The following EPB41 variants were observed in gnomAD, a reference collection of about 807,000 sequenced individuals.
EPB41 encodes the protein erythrocyte membrane protein band 4.1.
A neutral mutation model predicts 108.0 loss-of-function variants in EPB41; 65 were observed. The observed-to-expected ratio is 0.60, with a 90% CI of 0.49 to 0.74. The LOEUF (loss-of-function observed/expected upper bound fraction) is 0.74, where lower values mean the gene tolerates loss of function less well. Among genes scored for constraint, EPB41 ranks in the 30% least tolerant of loss-of-function variants. The pLI is 0.00. For missense variants in EPB41, 875 were observed against 1,037.0 expected, an observed-to-expected ratio of 0.84 and a Z score of 2.15; for synonymous variants, 336 against 358.9, an observed-to-expected ratio of 0.94 and a Z score of 0.72.
chr1:28,998,653 A>G (rs1315582390), intron 4 of EPB41, among the ~76,000 whole-genome samples: 1 of 152,248 alleles, frequency 6.6e-6, no homozygotes. Context: ...TACTAACTCA[A>G]ACAGAACTAT....
chr1:29,001,254 C>T lies in EPB41; in HGVS notation c.786+3935C>T, dbSNP rs375929456. Among the ~76,000 whole-genome samples, 379 of 152,294 alleles carry T rather than the reference C, an allele frequency of 2.5e-3. 2 individuals carry two copies. Among genetic ancestry groups the T allele is most frequent in the African/African-American group, 8.7e-3 (360 of 41,558 alleles). On this transcript the variant is annotated intron_variant, in intron 4 of 20. Coordinates refer to ENST00000343067, the MANE Select transcript of EPB41 (RefSeq NM_001376013.1). ...CTGAGGCATGAGAATCGCTTGAACCCAGGAGGCAGAGGTCGCAGGGAGCCG... is the reference window on the plus strand; with the variant it reads ...CTGAGGCATGAGAATCGCTTGAACCTAGGAGGCAGAGGTCGCAGGGAGCCG...
At chr1:29,046,021 A>T (rs1018216637) in intron 11 of EPB41, among the ~76,000 whole-genome samples, 3 of 151,880 alleles carry the variant, frequency 2.0e-5, no homozygotes, top group Non-Finnish European at 2.9e-5. Context: ...GGTATCCTAA[A>T]TTTTTTATTT....
At chr1:29,064,726 T>C (rs1037631778) in intron 15 of EPB41, among the ~76,000 whole-genome samples, 3 of 152,172 alleles carry the variant, frequency 2.0e-5, no homozygotes, top group African/African-American at 7.2e-5. Flanking sequence ...AGGCGTGAGT[T>C]CTTTATGGGT....
chr1:29,006,234 ATTT>A (rs34223507), intron 4 of EPB41, among the ~76,000 whole-genome samples: 49 of 130,604 alleles, frequency 3.8e-4, no homozygotes, highest in African/African-American at 1.2e-3. Context: ...ATCCCAAAGA[ATTT>A]TTTTTTTTTT....
intron 16 of EPB41, among the ~76,000 whole-genome samples, chr1:29,066,903 G>A (rs1237568549): frequency 1.3e-5 from 2 of 151,282 alleles, no homozygotes; most frequent in East Asian, 3.9e-4. Flanking sequence ...TCAAACTCCT[G>A]ACCTCAGGTG....
rs766821341 is a variant in EPB41, at chr1:29,065,095, C to T, written c.2121C>T (p.Arg707=). 6.2e-7 allele frequency: 1 copy of T among 1,614,090 alleles called. No homozygotes were observed. The highest frequency in any genetic ancestry group is 8.5e-7 in the Non-Finnish European group (1 of 1,179,966). The change falls in exon 16 of 21, where the codon CGC becomes CGT. Residue 707 remains arginine (R), a synonymous_variant. Transcript: ENST00000343067. The part of the protein sequence containing the change: ...PEPRPSEWDK[R]LSTHSPFRTL... ...CACGGCCTAGTGAATGGGATAAACG[C>T]TTATCCACTCACTCACCCTTCCGAA...
chr1:29,076,885 C>A (rs558439287), intron 16 of EPB41, among the ~76,000 whole-genome samples: 1 of 151,926 alleles, frequency 6.6e-6, no homozygotes, highest in Non-Finnish European at 1.5e-5. Flanking sequence ...CCAGCCTGGG[C>A]GACACAGCAT....
In EPB41 at chr1:29,039,406, C is replaced by T. The variant is rs770492941; in HGVS notation, c.1616C>T (p.Ala539Val). The T allele has an allele frequency of 8.1e-6, 13 of 1,613,884 alleles. No individual in the cohort carries two copies. In the South Asian group the frequency reaches 9.9e-5, roughly 12 times the overall value. Residue 539 changes from alanine (A) to valine (V), a missense_variant, in exon 11 of 21, where the codon GCG (alanine) becomes GTG (valine). This residue lies in a region of EPB41 where 519 missense variants were observed against 627.3 expected (regional missense o/e 0.83). Transcript: ENST00000343067. Reference sequence around the variant, plus strand: ...TTCGAGCGTACAGCAAGTAAACGGGCGTCCCGGAGCCTCGATGGAGGTTTG... The same window carrying T: ...TTCGAGCGTACAGCAAGTAAACGGGTGTCCCGGAGCCTCGATGGAGGTTTG... ...PHFERTASKR[A>V]SRSLDGAAAV...
chr1:29,107,658 C>T (rs1241162434), intron 17 of EPB41, among the ~76,000 whole-genome samples: 2 of 151,824 alleles, frequency 1.3e-5, no homozygotes, highest in African/African-American at 4.8e-5. Flanking sequence ...CGAGACCAGC[C>T]TGGCCAATAT....
chr1:29,097,818 G>C lies in EPB41; in HGVS notation c.2196G>C (p.Val732=). 6.2e-7 allele frequency: 1 copy of C among 1,614,002 alleles called. No homozygotes were observed. Among genetic ancestry groups the C allele is most frequent in the Non-Finnish European group, 8.5e-7 (1 of 1,179,900 alleles). ...QIPTGEGPPL[V]KTQTVTISDN... is the part of the protein sequence containing the mutation. ...TTACTGCTTCACAGCCTCCCCTGGTGAAGACACAAACTGTCACCATCTCAG... is the reference window on the plus strand; with the variant it reads ...TTACTGCTTCACAGCCTCCCCTGGTCAAGACACAAACTGTCACCATCTCAG... The change falls in exon 17 of 21, where the codon GTG becomes GTC. Residue 732 remains valine, a synonymous_variant. Coordinates refer to ENST00000343067, the MANE Select transcript of EPB41 (RefSeq NM_001376013.1).
intron 17 of EPB41, among the ~76,000 whole-genome samples, chr1:29,102,642 C>A (rs1275637639): frequency 6.6e-6 from 1 of 152,150 alleles, no homozygotes; most frequent in African/African-American, 2.4e-5. Context: ...GGCTGGAGTG[C>A]AGTGGCATGA....
chr1:29,112,275 A>T, intron 18 of EPB41, 93 bp from the exon 19 acceptor site: 1 of 1,036,844 alleles, frequency 9.6e-7, no homozygotes, highest in Non-Finnish European at 1.5e-6. Flanking sequence ...TGTTGAGATT[A>T]CAAGTGTGAA....
intron 16 of EPB41, among the ~76,000 whole-genome samples, chr1:29,066,800 A>G (rs556083611): frequency 6.6e-6 from 1 of 151,702 alleles, no homozygotes; most frequent in African/African-American, 2.4e-5. Flanking sequence ...CAGCCTCCCT[A>G]GTAGCTGAGA....
At chr1:28,923,940 G>C (rs915787358) in intron 1 of EPB41, among the ~76,000 whole-genome samples, 1 of 152,056 alleles carries the variant, frequency 6.6e-6, no homozygotes, top group Non-Finnish European at 1.5e-5. Flanking sequence ...CCCTTGAGTG[G>C]GGGCTATTGA....
chr1:28,966,181 C>T (rs1557844269), intron 1 of EPB41, among the ~76,000 whole-genome samples: 2 of 148,696 alleles, frequency 1.3e-5, no homozygotes, highest in South Asian at 2.1e-4. Flanking sequence ...AGTGAAACTC[C>T]GTCTCAAAAA....
intron 1 of EPB41, among the ~76,000 whole-genome samples, chr1:28,970,365 G>C (rs1430527782): frequency 6.6e-6 from 1 of 152,106 alleles, no homozygotes; most frequent in Non-Finnish European, 1.5e-5. Context: ...TATGGTATTT[G>C]AGTTTCAAAA....
rs1160118901 is a variant in EPB41, at chr1:28,997,245, C to T, written c.712C>T (p.Arg238Ter). The T allele has an allele frequency of 3.7e-6, 6 of 1,613,996 alleles. No homozygotes were observed. Among genetic ancestry groups the T allele is most frequent in the Non-Finnish European group, 4.2e-6 (5 of 1,179,890 alleles). Residue 238 changes from arginine to a stop codon, truncating the protein, a stop_gained, in exon 4 of 21, where the codon CGA becomes TGA. Transcript: ENST00000343067. LOFTEE classifies it high-confidence loss of function. ...TGCTAAGGGACAAGATTTGCTTAAA[C>T]GAGTATGTGAGCATCTCAATCTTTT... is the stretch of plus-strand genomic sequence containing the variant. ...KHAKGQDLLK[R>*]VCEHLNLLEE...
rs528277634 is a variant in EPB41 at position 28,975,824 on chromosome 1, C to T, written c.-7-11607C>T. Among the ~76,000 whole-genome samples, 489 of 150,892 alleles carry T rather than the reference C, an allele frequency of 3.2e-3. 1 individual carries two copies. The highest frequency in any genetic ancestry group is 0.011 in the African/African-American group (467 of 41,062). Reference sequence around the variant, plus strand: ...TCTAATAAAAATACAAAAAATTAGCCGGGCATGGTGGCGGGCTGAGGCAGG... The same window carrying T: ...TCTAATAAAAATACAAAAAATTAGCTGGGCATGGTGGCGGGCTGAGGCAGG... On this transcript the variant is annotated intron_variant, in intron 1 of 20. Transcript: ENST00000343067.
intron 1 of EPB41, among the ~76,000 whole-genome samples, chr1:28,938,038 G>A (rs1349173936): frequency 2.0e-5 from 3 of 152,166 alleles, no homozygotes; most frequent in East Asian, 1.9e-4. Flanking sequence ...TGGACTCTCA[G>A]TTCCATTCCG....
Sources: allele counts gnomAD v4.1 joint callset (sites outside exome capture counted in the v4.1 genomes callset), GRCh38; gene constraint gnomAD v4.1.1; regional missense constraint gnomAD v4.1.1; transcripts MANE v1.5; gene names NCBI Gene and HGNC (gene_info 2026-07-23, HGNC 2026-07-21).